Variants in TMEM62 observed in about 807,000 individuals in gnomAD.
TMEM62 encodes transmembrane protein 62.
TMEM62 carries 41 observed loss-of-function variants against 70.4 expected under a neutral mutation model. That is an observed-to-expected ratio of 0.58 (90% confidence interval 0.45 to 0.76). The LOEUF (loss-of-function observed/expected upper bound fraction) is 0.76, where lower values mean the gene tolerates loss of function less well. TMEM62 is among the 30% of genes least tolerant of loss of function. TMEM62 has a pLI of 0.00. For synonymous variants in TMEM62, 268 were observed against 291.0 expected (o/e 0.92, Z 0.80); for missense variants, 688 against 788.5 (o/e 0.87, Z 1.53).
intron 10 of TMEM62, among the ~76,000 whole-genome samples, chr15:43,167,138 G>A (rs1462511491): frequency 1.1e-4 from 16 of 148,034 alleles, no homozygotes; most frequent in Non-Finnish European, 1.8e-4. Context: ...CTCACCTCCC[G>A]GACTGGGCGG....
At chr15:43,148,383 A>G (rs901895367) in intron 5 of TMEM62, among the ~76,000 whole-genome samples, 2 of 152,166 alleles carry the variant, frequency 1.3e-5, no homozygotes, top group Non-Finnish European at 2.9e-5. Context: ...GCTGTTATAA[A>G]CATTTAGGTA....
chr15:43,184,383 C>G lies in TMEM62; in HGVS notation c.1729C>G (p.Leu577Val). Residue 577 changes from leucine to valine, a missense_variant, in exon 14 of 14, where the codon CTA (leucine) becomes GTA (valine). Transcript: ENST00000260403. Reference sequence around the variant, plus strand: ...ATACTTGAAAATTATGCCTGTTCACCTACTTATGCTACTGCTGTACATCTG... The same window carrying G: ...ATACTTGAAAATTATGCCTGTTCACGTACTTATGCTACTGCTGTACATCTG... ...RKYLKIMPVH[L>V]LMLLLYIWQV... The G allele has an allele frequency of 6.2e-7, 1 of 1,614,210 alleles. No homozygotes were observed. Among genetic ancestry groups the G allele is most frequent in the Non-Finnish European group, 8.5e-7 (1 of 1,180,038 alleles).
At position 43,149,064 on chromosome 15, in the gene TMEM62, C is replaced by T. The variant is rs775941496; in HGVS notation, c.779C>T (p.Thr260Ile). The change falls in exon 7 of 14, where the codon ACA becomes ATA. Residue 260 changes from threonine (T) to isoleucine (I), a missense_variant. Transcript: ENST00000260403. ...GCTTATTTGTGTGGACATCTCCATACACTTGGTGGACTGATGCCTGTTTTG... is the reference window on the plus strand; with the variant it reads ...GCTTATTTGTGTGGACATCTCCATATACTTGGTGGACTGATGCCTGTTTTG... ...AIAYLCGHLH[T>I]LGGLMPVLHT... The T allele has an allele frequency of 3.1e-6, 5 of 1,613,934 alleles. No homozygotes were observed. The highest frequency in any genetic ancestry group is 3.4e-6 in the Non-Finnish European group (4 of 1,180,004).
rs748306121 is a variant in TMEM62, at chr15:43,149,067, TTGG to T, written c.786_788del (p.Gly263del). On this transcript the variant is annotated inframe_deletion, in exon 7 of 14. Coordinates refer to ENST00000260403, the MANE Select transcript of TMEM62 (RefSeq NM_024956.4). ...TATTTGTGTGGACATCTCCATACAC[TTGG>T]TGGACTGATGCCTGTTTTGCACACT... 2 of 1,614,018 alleles carry T rather than the reference TTGG, an allele frequency of 1.2e-6. No homozygotes were observed. Among genetic ancestry groups the T allele is most frequent in the East Asian group, 2.2e-5 (1 of 44,890 alleles).
At position 43,153,452 on chromosome 15, in the gene TMEM62, C is replaced by T. The variant is rs2037650107; in HGVS notation, c.1023-1220C>T. On this transcript the variant is annotated intron_variant, in intron 8 of 13. Transcript: ENST00000260403. ...ACAATAACTTCCTGTTCTTCCCTCT[C>T]CCACAGCCCCTGGCAACCACCAATC... 2.0e-5 allele frequency among the ~76,000 whole-genome samples: 3 copies of T among 152,306 alleles called. 1 individual carries two copies. The highest frequency in any genetic ancestry group is 1.9e-4 in the East Asian group (1 of 5,192).
intron 4 of TMEM62, among the ~76,000 whole-genome samples, chr15:43,142,293 G>A (rs988162898): frequency 6.6e-6 from 1 of 150,876 alleles, no homozygotes; most frequent in Non-Finnish European, 1.5e-5. Context: ...AGCCTCCTAA[G>A]TAGCTGGGAC....
chr15:43,148,518 A>G (rs1021850170), intron 5 of TMEM62, among the ~76,000 whole-genome samples: 2 of 152,236 alleles, frequency 1.3e-5, no homozygotes, highest in African/African-American at 4.8e-5. Context: ...ATCTATTAAA[A>G]GAGGATAATA....
At chr15:43,162,907 T>C (rs1291603809) in intron 10 of TMEM62, among the ~76,000 whole-genome samples, 1 of 151,916 alleles carries the variant, frequency 6.6e-6, no homozygotes, top group African/African-American at 2.4e-5. Flanking sequence ...CACTATTTTA[T>C]ATACTTTACT....
Position 43,151,320 on chromosome 15 carries a change from A to G in TMEM62, c.867-470A>G, listed in dbSNP as rs554827085. 9.8e-3 allele frequency among the ~76,000 whole-genome samples: 1,303 copies of G among 132,656 alleles called. 22 individuals carry two copies. The highest frequency in any genetic ancestry group is 0.041 in the African/African-American group (1,245 of 30,542). The allele number at this position is 132,656 out of a possible 152,430, so 87.0% of individuals were successfully genotyped here. The stretch of plus-strand genomic sequence containing the variant: ...AGTGAGACTCCATCTCAAAAATAAG[A>G]AAAAAAAAAAAAAAAAAGAAAGAAA... On this transcript the variant is annotated intron_variant, in intron 7 of 13. Coordinates refer to ENST00000260403, the MANE Select transcript of TMEM62 (RefSeq NM_024956.4).
chr15:43,144,442 A>G (rs1025262832), intron 4 of TMEM62, among the ~76,000 whole-genome samples: 3 of 152,250 alleles, frequency 2.0e-5, no homozygotes, highest in African/African-American at 7.2e-5. Flanking sequence ...AAGTAACATA[A>G]TTAAAATAGT....
At chr15:43,175,546 G>A (rs752093930) in intron 11 of TMEM62, among the ~76,000 whole-genome samples, 121 of 152,310 alleles carry the variant, frequency 7.9e-4, no homozygotes, top group Non-Finnish European at 1.4e-3. Context: ...GACTGTGGCC[G>A]CAGAATGGAG....
intron 4 of TMEM62, among the ~76,000 whole-genome samples, chr15:43,142,866 C>A (rs2036227275): frequency 6.7e-6 from 1 of 150,246 alleles, no homozygotes; most frequent in Non-Finnish European, 1.5e-5. Flanking sequence ...GACAGGGTTT[C>A]TAAATGTTGC....
chr15:43,153,913 G>A (rs1468686477), intron 8 of TMEM62, among the ~76,000 whole-genome samples: 1 of 152,140 alleles, frequency 6.6e-6, no homozygotes, highest in Non-Finnish European at 1.5e-5. Flanking sequence ...TTAAGGAGCT[G>A]CCATACTGTT....
At chr15:43,167,996 C>T (rs1048293036) in intron 10 of TMEM62, among the ~76,000 whole-genome samples, 2 of 151,946 alleles carry the variant, frequency 1.3e-5, no homozygotes, top group Admixed American at 6.5e-5. Context: ...TGGCGGCGCA[C>T]GCCTGCAATC....
At chr15:43,164,462 T>G (rs1422680439) in intron 10 of TMEM62, among the ~76,000 whole-genome samples, 1 of 151,780 alleles carries the variant, frequency 6.6e-6, no homozygotes, top group African/African-American at 2.4e-5. Context: ...TTTTTTTTTT[T>G]TTTTGAGATG....
At chr15:43,151,498 G>A (rs1310059785) in intron 7 of TMEM62, among the ~76,000 whole-genome samples, 1 of 152,100 alleles carries the variant, frequency 6.6e-6, no homozygotes, top group East Asian at 1.9e-4. Flanking sequence ...GGGATAAGAT[G>A]AGTTACTTCA....
At chr15:43,168,044 G>A (rs1033264042) in intron 10 of TMEM62, among the ~76,000 whole-genome samples, 19 of 152,152 alleles carry the variant, frequency 1.2e-4, no homozygotes, top group Non-Finnish European at 2.1e-4. Flanking sequence ...GACTCAGGCC[G>A]GGAGGTTGCA....
intron 9 of TMEM62, among the ~76,000 whole-genome samples, chr15:43,159,744 C>T (rs1176607616): frequency 1.3e-5 from 2 of 152,104 alleles, no homozygotes; most frequent in Non-Finnish European, 2.9e-5. Context: ...TATTCAAGAA[C>T]TGGAATGAGC....
At chr15:43,152,012 C>A in intron 8 of TMEM62, 67 bp downstream of exon 8, 2 of 1,274,728 alleles carry the variant, frequency 1.6e-6, no homozygotes, top group Non-Finnish European at 2.2e-6. Flanking sequence ...ATTGTGATTG[C>A]ATTCCCATGT....
Sources: allele counts gnomAD v4.1 joint callset (sites outside exome capture counted in the v4.1 genomes callset), GRCh38; gene constraint gnomAD v4.1.1; transcripts MANE v1.5; gene names NCBI Gene and HGNC (gene_info 2026-07-23, HGNC 2026-07-21).